Variants in PRDM9 observed in about 807,000 individuals in gnomAD.
The protein encoded by PRDM9 is PR/SET domain 9, also known as histone-lysine N-methyltransferase PRDM9.
Under a neutral mutation model 55.6 loss-of-function variants are expected in PRDM9, and 47 were observed. The observed-to-expected ratio is 0.85, with a 90% CI of 0.67 to 1.08. PRDM9 has a LOEUF of 1.08. Among genes scored for constraint, PRDM9 ranks in the 50% least tolerant of loss-of-function variants. The probability of loss-of-function intolerance (pLI) is 0.00; values close to 1 mark genes in which losing one functional copy is unlikely to be tolerated. For synonymous variants in PRDM9, 312 were observed against 375.7 expected (o/e 0.83, Z 1.96); for missense variants, 867 against 1,040.3 (o/e 0.83, Z 2.29).
At chr5:23,513,992 T>G (rs1265388753) in intron 4 of PRDM9, among the ~76,000 whole-genome samples, 1 of 152,216 alleles carries the variant, frequency 6.6e-6, no homozygotes, top group Non-Finnish European at 1.5e-5. Flanking sequence ...TAAGCAAGTG[T>G]TCTAAATTTC....
chr5:23,515,066 C>G (rs773344718), intron 4 of PRDM9, among the ~76,000 whole-genome samples: 26 of 151,854 alleles, frequency 1.7e-4, no homozygotes, highest in Non-Finnish European at 2.6e-4. Context: ...CGGGTTCCAC[C>G]GATTATTCTG....
At chr5:23,509,711 C>A in intron 3 of PRDM9, 118 bp downstream of exon 3, 1 of 1,567,640 alleles carries the variant, frequency 6.4e-7, no homozygotes, top group East Asian at 2.2e-5. Context: ...TTCATGTAGA[C>A]AAATCTGGAG....
intron 4 of PRDM9, among the ~76,000 whole-genome samples, chr5:23,516,696 A>AT (rs892246743): frequency 6.9e-6 from 1 of 144,270 alleles, no homozygotes; most frequent in African/African-American, 2.5e-5. Context: ...ACTTCTAACA[A>AT]TTTTTTGGTA....
At position 23,527,657 on chromosome 5, in the gene PRDM9, G is replaced by T; in HGVS notation, c.2569G>T (p.Glu857Ter). The T allele has an allele frequency of 2.0e-6, 3 of 1,520,020 alleles. No individual in the cohort carries two copies. Among genetic ancestry groups the T allele is most frequent in the South Asian group, 1.2e-5 (1 of 83,998 alleles). 94.2% of individuals were successfully genotyped at this position (1,520,020 alleles called of 1,614,324 possible). A position where few individuals can be genotyped will look rare whatever the true frequency, so the allele number is the denominator to read the frequency against. The change falls in exon 11 of 11, where the codon GAG becomes TAG. Residue 857 changes from glutamate (E) to a stop codon, truncating the protein, a stop_gained. Coordinates refer to ENST00000296682, the MANE Select transcript of PRDM9 (RefSeq NM_020227.4). LOFTEE classifies it low-confidence loss of function (END_TRUNC). ...CAGACACCAGAGGACACACACAGGG[G>T]AGAAGCCCTACGTCTGCAGGGAGTG... Reference protein sequence around the residue: ...LLRHQRTHTGEKPYVCRECGR... With the variant: ...LLRHQRTHTG
chr5:23,522,249 C>T, intron 6 of PRDM9, 55 bp from the exon 7 acceptor site: 2 of 1,414,134 alleles, frequency 1.4e-6, no homozygotes, highest in Non-Finnish European at 2.0e-6. Flanking sequence ...TCTTATGAAA[C>T]AAGGACAAAC....
At chr5:23,522,107 A>G (rs1447653705) in intron 6 of PRDM9, among the ~76,000 whole-genome samples, 197 bp from the exon 7 acceptor site, 1 of 152,192 alleles carries the variant, frequency 6.6e-6, no homozygotes, top group Non-Finnish European at 1.5e-5. Flanking sequence ...GAACAGCCAG[A>G]AACTAATATT....
intron 6 of PRDM9, 134 bp downstream of exon 6, chr5:23,521,313 T>C: frequency 1.1e-6 from 1 of 950,244 alleles, no homozygotes. Context: ...GACCAGAAGG[T>C]AGATGCAGTA....
chr5:23,510,938 G>A (rs1339049848), intron 4 of PRDM9, among the ~76,000 whole-genome samples: 2 of 151,412 alleles, frequency 1.3e-5, no homozygotes, highest in East Asian at 4.0e-4. Flanking sequence ...TTGAGGTCTG[G>A]AGTTTGAGAC....
intron 6 of PRDM9, among the ~76,000 whole-genome samples, chr5:23,521,608 G>T (rs1158233073): frequency 6.6e-6 from 1 of 152,186 alleles, no homozygotes; most frequent in Admixed American, 6.5e-5. Context: ...AAAATGCTGG[G>T]ATTACAGGCT....
At chr5:23,517,152 CA>C (rs753493547) in intron 4 of PRDM9, among the ~76,000 whole-genome samples, 9,351 of 62,654 alleles carry the variant, frequency 0.15, 616 homozygotes, top group African/African-American at 0.31. Flanking sequence ...GACTCCATCT[CA>C]AAAAAAAAAA....
At position 23,508,945 on chromosome 5, in the gene PRDM9, C is replaced by T; in HGVS notation, c.-84-5C>T. On this transcript the variant is annotated splice_polypyrimidine_tract_variant and splice_region_variant and intron_variant, in intron 1 of 10. Transcript: ENST00000296682. ...GCCCCCTCTCAGCACCTTCTCCTTC[C>T]ACAGGAGCCTTTGGCCTAGGAGCTG... The T allele has an allele frequency of 6.7e-7, 1 of 1,493,956 alleles. No homozygotes were observed. Among genetic ancestry groups the T allele is most frequent in the Admixed American group, 1.8e-5 (1 of 54,180 alleles). 92.5% of individuals were successfully genotyped at this position (1,493,956 alleles called of 1,614,324 possible).
At chr5:23,509,622 C>A (rs994308311) in intron 3 of PRDM9, 29 bp downstream of exon 3, 2 of 1,613,898 alleles carry the variant, frequency 1.2e-6, no homozygotes, top group Non-Finnish European at 1.7e-6. Context: ...CACAGACCAG[C>A]CTGGGAGACA....
rs1373441707 is a variant in PRDM9 at position 23,524,358 on chromosome 5, T to A, written c.975T>A (p.Asp325Glu). The change falls in exon 10 of 11, where the codon GAT (aspartate) becomes GAA (glutamate). Residue 325 changes from aspartate to glutamate, a missense_variant. By Grantham distance (45) the Asp-to-Glu change is conservative. Coordinates refer to ENST00000296682, the MANE Select transcript of PRDM9 (RefSeq NM_020227.4). ...WMRYVNCARD[D>E]EEQNLVAFQY... ...GGTATGTGAACTGTGCCCGGGATGA[T>A]GAAGAGCAGAACCTGGTGGCCTTCC... is the stretch of plus-strand genomic sequence containing the variant. The A allele has an allele frequency of 3.1e-6, 5 of 1,613,866 alleles. No homozygotes were observed. The highest frequency in any genetic ancestry group is 4.2e-6 in the Non-Finnish European group (5 of 1,179,934).
At chr5:23,513,680 G>T (rs917130917) in intron 4 of PRDM9, among the ~76,000 whole-genome samples, 1 of 152,066 alleles carries the variant, frequency 6.6e-6, no homozygotes, top group Non-Finnish European at 1.5e-5. Context: ...AGGAGTTTGA[G>T]ACCAGCCTGG....
chr5:23,509,535 C>T lies in PRDM9; in HGVS notation c.135C>T (p.Asp45=), dbSNP rs370206811. ...AGGAAGAATGGGCAGAGATGGGAGA[C>T]TGGGAGAAAACTCGCTATAGGAATG... The part of the protein sequence containing the change: ...FTKEEWAEMG[D]WEKTRYRNVK... Residue 45 remains aspartate, a synonymous_variant, in exon 3 of 11, where the codon GAC becomes GAT. Transcript: ENST00000296682. 1.2e-4 allele frequency: 189 copies of T among 1,614,106 alleles called. No homozygotes were observed. Among genetic ancestry groups the T allele is most frequent in the Middle Eastern group, 1.2e-3 (7 of 6,062 alleles).
chr5:23,509,731 G>A, intron 3 of PRDM9, 138 bp downstream of exon 3: 1 of 1,524,658 alleles, frequency 6.6e-7, no homozygotes, highest in Non-Finnish European at 9.0e-7. Flanking sequence ...GGGAAATTTT[G>A]TTCTTTTGCG....
At position 23,527,591 on chromosome 5, in the gene PRDM9, A is replaced by C. The variant is rs760009468; in HGVS notation, c.2503A>C (p.Arg835=). The change falls in exon 11 of 11, where the codon AGG becomes CGG. Residue 835 remains arginine (R), a synonymous_variant. Transcript: ENST00000296682. ...CACAGGGGAGAAGCCCTATGTCTGC[A>C]GGGAGTGTGGGCGGGGCTTTCGCAA... is the stretch of plus-strand genomic sequence containing the variant. ...THTGEKPYVC[R]ECGRGFRNKS... is the part of the protein sequence containing the mutation. The C allele has an allele frequency of 2.6e-6, 4 of 1,511,176 alleles. No homozygotes were observed. The highest frequency in any genetic ancestry group is 3.5e-6 in the Non-Finnish European group (4 of 1,126,854). The allele number at this position is 1,511,176 out of a possible 1,614,324, so 93.6% of individuals were successfully genotyped here.
intron 4 of PRDM9, among the ~76,000 whole-genome samples, chr5:23,511,321 G>A (rs77682758): frequency 1.5e-5 from 2 of 130,304 alleles, no homozygotes; most frequent in African/African-American, 2.9e-5. Context: ...TTCATATAAC[G>A]TTTGTTTGTT....
chr5:23,509,740 C>A (rs545808888), intron 3 of PRDM9, 147 bp downstream of exon 3: 1 of 1,499,482 alleles, frequency 6.7e-7, no homozygotes. Context: ...TGTTCTTTTG[C>A]GTCAGTGCAG....
Sources: gnomAD v4.1 joint callset for allele counts (sites outside exome capture counted in the v4.1 genomes callset) on GRCh38, gnomAD v4.1.1 for gene constraint, MANE v1.5 for transcripts, NCBI Gene and HGNC (gene_info 2026-07-23, HGNC 2026-07-21) for gene names.